CBLL1: variants seen among roughly 807,000 people sequenced by gnomAD.
CBLL1 encodes Cbl proto-oncogene like 1.
In CBLL1, 4 loss-of-function variants were observed where a neutral mutation model predicts 44.9. The ratio of observed to expected loss-of-function variants is 0.09; its 90% confidence interval spans 0.04 to 0.20. The LOEUF (loss-of-function observed/expected upper bound fraction) is 0.20, where lower values mean the gene tolerates loss of function less well. Ranked by LOEUF, CBLL1 falls within the 10% of genes least tolerant of loss-of-function variation. CBLL1 has a pLI of 1.00. For synonymous variants in CBLL1, 235 were observed against 202.2 expected (o/e 1.16, Z -1.38); for missense variants, 569 against 636.7 (o/e 0.89, Z 1.14).
At chr7:107,749,940 T>G (rs79812018) in intron 2 of CBLL1, among the ~76,000 whole-genome samples, 1 of 150,726 alleles carries the variant, frequency 6.6e-6, no homozygotes, top group Non-Finnish European at 1.5e-5. Flanking sequence ...ATATATATTT[T>G]TTTGTTTGTT....
Position 107,755,437 on chromosome 7 carries a change from T to C in CBLL1, c.386T>C (p.Phe129Ser). Residue 129 changes from phenylalanine (F) to serine (S), a missense_variant, in exon 5 of 6, where the codon TTT becomes TCT. Phe to Ser is a radical substitution (Grantham distance 155, BLOSUM62 -2). This residue lies in a region of CBLL1 where 209 missense variants were observed against 202.8 expected (regional missense o/e 1.03). Coordinates refer to ENST00000440859, the MANE Select transcript of CBLL1 (RefSeq NM_024814.4). ...YGRMIPCKHV[F>S]CYDCAILHEK... ...TTACAGATTCCATGCAAGCATGTTTTTTGCTATGACTGTGCTATTTTACAT... is the reference window on the plus strand; with the variant it reads ...TTACAGATTCCATGCAAGCATGTTTCTTGCTATGACTGTGCTATTTTACAT... 2 of 1,583,134 alleles carry C rather than the reference T, an allele frequency of 1.3e-6. No homozygotes were observed. Among genetic ancestry groups the C allele is most frequent in the Non-Finnish European group, 1.7e-6 (2 of 1,163,404 alleles).
chr7:107,755,980 A>G (rs1021906994), intron 5 of CBLL1, among the ~76,000 whole-genome samples: 1 of 152,170 alleles, frequency 6.6e-6, no homozygotes, highest in Non-Finnish European at 1.5e-5. Flanking sequence ...ATACATATAT[A>G]TAGTAGCTGG....
chr7:107,745,548 C>T (rs1222651320), intron 1 of CBLL1, among the ~76,000 whole-genome samples: 1 of 152,104 alleles, frequency 6.6e-6, no homozygotes, highest in Non-Finnish European at 1.5e-5. Context: ...AATATGAAGC[C>T]ATTGAACAGA....
Position 107,744,283 on chromosome 7 carries a change from G to T in CBLL1, c.13+107G>T, listed in dbSNP as rs917320041. On this transcript the variant is annotated intron_variant, in intron 1 of 5. Coordinates refer to ENST00000440859, the MANE Select transcript of CBLL1 (RefSeq NM_024814.4). Reference sequence around the variant, plus strand: ...ATTATGCTCGCCCCACAACACTAGGGTGTGGCAGTGAGAAGAAATCTCACA... The same window carrying T: ...ATTATGCTCGCCCCACAACACTAGGTTGTGGCAGTGAGAAGAAATCTCACA... 17 of 1,286,940 alleles carry T rather than the reference G, an allele frequency of 1.3e-5. No individual in the cohort carries two copies. In the East Asian group the frequency reaches 4.5e-4, roughly 34 times the overall value. 79.7% of individuals were successfully genotyped at this position (1,286,940 alleles called of 1,614,324 possible).
At chr7:107,756,600 C>T (rs571959526) in intron 5 of CBLL1, among the ~76,000 whole-genome samples, 2 of 152,100 alleles carry the variant, frequency 1.3e-5, no homozygotes, top group Admixed American at 1.3e-4. Flanking sequence ...AATTTAATTG[C>T]TTCATCGGGA....
chr7:107,749,863 T>A (rs1793199271), intron 2 of CBLL1, among the ~76,000 whole-genome samples: 1 of 152,162 alleles, frequency 6.6e-6, no homozygotes, highest in Non-Finnish European at 1.5e-5. Context: ...CTTGTTTAGA[T>A]CCTTTCTTCT....
At chr7:107,752,210 A>T (rs1393236594) in intron 2 of CBLL1, among the ~76,000 whole-genome samples, 1 of 151,798 alleles carries the variant, frequency 6.6e-6, no homozygotes, top group African/African-American at 2.4e-5. Flanking sequence ...AAAAAAAAAA[A>T]AAAAAAGAAA....
rs189784202 is a variant in CBLL1 at position 107,749,826 on chromosome 7, G to A, written c.181+779G>A. ...AAATTTATTTTAATTATGAAAGAGT[G>A]TATATTTTTTCATAGCATTGACCAT... On this transcript the variant is annotated intron_variant, in intron 2 of 5. Coordinates refer to ENST00000440859, the MANE Select transcript of CBLL1 (RefSeq NM_024814.4). Among the ~76,000 whole-genome samples the A allele has an allele frequency of 5.7e-4, 87 of 152,062 alleles. 1 individual carries two copies. In the East Asian group the frequency reaches 0.016, roughly 28 times the overall value.
intron 2 of CBLL1, 78 bp downstream of exon 2, chr7:107,749,125 C>G: frequency 7.7e-7 from 1 of 1,305,226 alleles, no homozygotes; most frequent in Non-Finnish European, 1.1e-6. Flanking sequence ...GATCTTATAG[C>G]TACCTCTTTT....
rs199798345 is a variant in CBLL1 at position 107,758,959 on chromosome 7, C to T, written c.1257C>T (p.Pro419=). 1.2e-5 allele frequency: 20 copies of T among 1,613,612 alleles called. No individual in the cohort carries two copies. The East Asian group carries it at 3.6e-4, about 29-fold the overall frequency. The change falls in exon 6 of 6, where the codon CCC becomes CCT. Residue 419 remains proline, a synonymous_variant. Transcript: ENST00000440859. The surrounding 1 kb of genome is among the most constrained non-coding windows in gnomAD (Gnocchi z 4.2). Reference sequence around the variant, plus strand: ...ATGGTGGTCCACCTGTAACTGCACCCCCTCCTCACCATTATAATCCTAACT... The same window carrying T: ...ATGGTGGTCCACCTGTAACTGCACCTCCTCCTCACCATTATAATCCTAACT... ...PQHGGPPVTA[P]PPHHYNPNSL...
At chr7:107,745,028 A>G (rs940939553) in intron 1 of CBLL1, among the ~76,000 whole-genome samples, 2 of 152,120 alleles carry the variant, frequency 1.3e-5, no homozygotes, top group Non-Finnish European at 2.9e-5. Context: ...TTGGTTATAT[A>G]ATTAGGTGTG....
chr7:107,749,718 T>A (rs2023709), intron 2 of CBLL1, among the ~76,000 whole-genome samples: 70,665 of 150,996 alleles, frequency 0.47, 16,663 homozygotes, highest in East Asian at 0.62. Context: ...ATTAAAAAAA[T>A]AATAATAAAA....
intron 1 of CBLL1, chr7:107,744,427 C>G (rs920977316): frequency 2.3e-6 from 1 of 439,990 alleles, no homozygotes; most frequent in African/African-American, 2.0e-5. Context: ...GCTCCGAGCC[C>G]GGACCAGTGG....
At chr7:107,751,158 C>T (rs1793272081) in intron 2 of CBLL1, among the ~76,000 whole-genome samples, 2 of 152,082 alleles carry the variant, frequency 1.3e-5, no homozygotes, top group Admixed American at 6.5e-5. Context: ...GGAGTGGTTT[C>T]GGGATGCAAC....
intron 2 of CBLL1, among the ~76,000 whole-genome samples, chr7:107,751,497 T>TA (rs1406196238): frequency 6.6e-6 from 1 of 152,210 alleles, no homozygotes; most frequent in Non-Finnish European, 1.5e-5. Flanking sequence ...AGTTACAACA[T>TA]ATGTTATGGT....
intron 4 of CBLL1, 183 bp downstream of exon 4, chr7:107,754,161 T>A (rs936566221): frequency 1.9e-5 from 7 of 364,424 alleles, no homozygotes; most frequent in African/African-American, 1.5e-4. Context: ...AATTGTTGAA[T>A]TCTTATAAAA....
chr7:107,750,312 C>A (rs1562860764), intron 2 of CBLL1, among the ~76,000 whole-genome samples: 1 of 145,426 alleles, frequency 6.9e-6, no homozygotes, highest in African/African-American at 2.5e-5. Flanking sequence ...TGCAGAGAAT[C>A]TTTTTTTTTT....
chr7:107,753,596 C>A, intron 3 of CBLL1, 85 bp downstream of exon 3: 3 of 701,736 alleles, frequency 4.3e-6, no homozygotes, highest in African/African-American at 1.8e-5. Flanking sequence ...GAGTAATGCA[C>A]AGTACATTAA....
In CBLL1 at chr7:107,750,259, T is replaced by A. The variant is rs534437449; in HGVS notation, c.181+1212T>A. ...CACTGTGCCTGGCCTATATTGTATA[T>A]ATTCTTCATTTGTCTTTTGAATTTT... On this transcript the variant is annotated intron_variant, in intron 2 of 5. Coordinates refer to ENST00000440859, the MANE Select transcript of CBLL1 (RefSeq NM_024814.4). 5.7e-4 allele frequency among the ~76,000 whole-genome samples: 87 copies of A among 152,164 alleles called. 1 individual carries two copies. The South Asian group carries it at 0.017, about 31-fold the overall frequency.
Sources: gnomAD v4.1 joint callset for allele counts (sites outside exome capture counted in the v4.1 genomes callset) on GRCh38, gnomAD v4.1.1 for gene constraint, gnomAD v4.1.1 regional missense constraint, Gnocchi (gnomAD v3.1) non-coding constraint, MANE v1.5 for transcripts, NCBI Gene and HGNC (gene_info 2026-07-23, HGNC 2026-07-21) for gene names.